The following IL36B variants were observed in gnomAD, a reference collection of about 807,000 sequenced individuals.
IL36B encodes interleukin-36 beta.
In IL36B, 23 loss-of-function variants were observed where a neutral mutation model predicts 19.3. The ratio of observed to expected loss-of-function variants is 1.19; its 90% CI spans 0.86 to 1.69. IL36B has a LOEUF of 1.69. Among genes scored for constraint, IL36B ranks in the 40% most tolerant of loss-of-function variants. IL36B has a pLI of 0.00. For synonymous variants in IL36B, 59 were observed against 59.7 expected, an observed-to-expected ratio of 0.99 and a Z score of 0.05; for missense variants, 217 against 200.5, an observed-to-expected ratio of 1.08 and a Z score of -0.50.
At chr2:113,044,858 C>T (rs1054979807) in intron 1 of IL36B, among the ~76,000 whole-genome samples, 1 of 152,134 alleles carries the variant, frequency 6.6e-6, no homozygotes, top group Non-Finnish European at 1.5e-5. Flanking sequence ...TGTTAACTTA[C>T]TAGTGATTAC....
At chr2:113,046,763 T>A (rs1237751924) in intron 1 of IL36B, among the ~76,000 whole-genome samples, 1 of 151,276 alleles carries the variant, frequency 6.6e-6, no homozygotes, top group African/African-American at 2.4e-5. Context: ...ATATCATATC[T>A]AAGGTACATA....
At chr2:113,030,895 C>T (rs1331271079) in intron 3 of IL36B, among the ~76,000 whole-genome samples, 153 bp downstream of exon 3, 1 of 152,196 alleles carries the variant, frequency 6.6e-6, no homozygotes, top group Non-Finnish European at 1.5e-5. Context: ...GGAAGGGAAT[C>T]ATAGTGTCCT....
At chr2:113,047,859 A>G (rs895997602) in intron 1 of IL36B, among the ~76,000 whole-genome samples, 1 of 152,200 alleles carries the variant, frequency 6.6e-6, no homozygotes, top group Non-Finnish European at 1.5e-5. Context: ...CAATATAAAT[A>G]TATAATGGTA....
intron 1 of IL36B, among the ~76,000 whole-genome samples, chr2:113,051,086 C>T (rs544037168): frequency 7.2e-5 from 11 of 152,288 alleles, no homozygotes; most frequent in East Asian, 3.9e-4. Flanking sequence ...CGTGGCCTCC[C>T]GACCTAGCCT....
chr2:113,035,357 T>A (rs759736892), intron 1 of IL36B, among the ~76,000 whole-genome samples: 8 of 152,142 alleles, frequency 5.3e-5, no homozygotes, highest in Non-Finnish European at 1.2e-4. Flanking sequence ...TACCAGAAAC[T>A]GTGGGAACCC....
rs761943604 is a variant in IL36B, at chr2:113,028,992, C to G, written c.208G>C (p.Asp70His). Residue 70 changes from aspartate (D) to histidine (H), a missense_variant, in exon 4 of 6, where the codon GAT (aspartate) becomes CAT (histidine). Asp to His is a moderately conservative substitution (Grantham distance 81). Transcript: ENST00000259213. ...ATTTCTGCACAGAAGAGACAGAGAT[C>G]TTTTCCCTTGATTCCCAGGTAAACC... 1.9e-6 allele frequency: 3 copies of G among 1,614,172 alleles called. No individual in the cohort carries two copies. Among genetic ancestry groups the G allele is most frequent in the South Asian group, 1.1e-5 (1 of 91,074 alleles).
chr2:113,038,999 G>A (rs1173172671), intron 1 of IL36B, among the ~76,000 whole-genome samples: 1 of 152,206 alleles, frequency 6.6e-6, no homozygotes, highest in East Asian at 1.9e-4. Context: ...TCTCACCAGA[G>A]TGAAGGCAAG....
rs761534030 is a variant in IL36B at position 113,026,198 on chromosome 2, G to C, written c.296C>G (p.Thr99Ser). Residue 99 changes from threonine to serine, a missense_variant, in exon 5 of 6, where the codon ACT becomes AGT. By Grantham distance (58) the Thr-to-Ser change is moderately conservative. Coordinates refer to ENST00000259213, the MANE Select transcript of IL36B (RefSeq NM_014438.5). ...GTGAATTCCAACTAGTTTCCAGCAA[G>C]TGTCCTTCCCTATGTTATCTTGGGA... 1.9e-6 allele frequency: 3 copies of C among 1,613,784 alleles called. No homozygotes were observed. In the African/African-American group the frequency reaches 4.0e-5, roughly 22 times the overall value.
chr2:113,032,133 C>CTGTGTGTGTGTG lies in IL36B; in HGVS notation c.-57-379_-57-368dup, dbSNP rs56385654. On this transcript the variant is annotated intron_variant, in intron 1 of 5. Coordinates refer to ENST00000259213, the MANE Select transcript of IL36B (RefSeq NM_014438.5). Reference sequence around the variant, plus strand: ...GGAGAGACAGAGTGCGTGTGTGTGTCTGTGTGTGTGTGTGTGTGTGTGTGT... The same window carrying CTGTGTGTGTGTG: ...GGAGAGACAGAGTGCGTGTGTGTGTCTGTGTGTGTGTGTGTGTGTGTGTGTGTGTGTGTGTGT... Among the ~76,000 whole-genome samples the CTGTGTGTGTGTG allele has an allele frequency of 1.0e-3, 150 of 144,014 alleles. 1 individual carries two copies. Among genetic ancestry groups the CTGTGTGTGTGTG allele is most frequent in the South Asian group, 6.9e-3 (30 of 4,366 alleles). The allele number at this position is 144,014 out of a possible 152,430, so 94.5% of individuals were successfully genotyped here. A position where few individuals can be genotyped will look rare whatever the true frequency, so the allele number is the denominator to read the frequency against.
chr2:113,030,576 T>C (rs1685052776), intron 3 of IL36B, among the ~76,000 whole-genome samples: 1 of 152,186 alleles, frequency 6.6e-6, no homozygotes. Flanking sequence ...GAATTAAACA[T>C]TGAAGTTCTG....
intron 1 of IL36B, among the ~76,000 whole-genome samples, chr2:113,039,595 A>G (rs565825700): frequency 2.0e-5 from 3 of 152,290 alleles, no homozygotes; most frequent in African/African-American, 7.2e-5. Flanking sequence ...AACAAACAAA[A>G]CCACCTTACT....
intron 1 of IL36B, among the ~76,000 whole-genome samples, chr2:113,033,925 C>T (rs1685123400): frequency 1.3e-5 from 2 of 152,212 alleles, no homozygotes; most frequent in South Asian, 2.1e-4. Context: ...CTCCCAATCA[C>T]TCTTTGTGGT....
chr2:113,030,372 T>TG (rs745578748), intron 3 of IL36B, among the ~76,000 whole-genome samples: 7 of 151,962 alleles, frequency 4.6e-5, no homozygotes, highest in African/African-American at 1.5e-4. Context: ...AATAGAAGGT[T>TG]GGGGGGGAGT....
At chr2:113,042,563 A>G (rs1185162232) in intron 1 of IL36B, among the ~76,000 whole-genome samples, 4 of 152,148 alleles carry the variant, frequency 2.6e-5, no homozygotes, top group African/African-American at 9.7e-5. Flanking sequence ...TTGTTTTGTA[A>G]TTTTATATAA....
chr2:113,036,339 T>C (rs1331363047), intron 1 of IL36B, among the ~76,000 whole-genome samples: 1 of 151,106 alleles, frequency 6.6e-6, no homozygotes, highest in Non-Finnish European at 1.5e-5. Context: ...ATTTTATTTA[T>C]CTGAAAACAC....
At chr2:113,031,855 C>A (rs1234377544) in intron 1 of IL36B, 89 bp from the exon 2 acceptor site, 5 of 671,734 alleles carry the variant, frequency 7.4e-6, no homozygotes, top group Admixed American at 2.3e-5. Flanking sequence ...TGTAAAAATT[C>A]TTTAGAGAGA....
rs750344480 is a variant in IL36B, at chr2:113,022,816, T to G, written c.392-39A>C. 5 of 1,353,050 alleles carry G rather than the reference T, an allele frequency of 3.7e-6. No homozygotes were observed. In the South Asian group the frequency reaches 5.9e-5, roughly 16 times the overall value. 83.8% of individuals were successfully genotyped at this position (1,353,050 alleles called of 1,614,324 possible). A position where few individuals can be genotyped will look rare whatever the true frequency, so the allele number is the denominator to read the frequency against. ...GAAGTATCTCCTAGGCTTAGCAAGA[T>G]GTGGACATTTGCTAAACCACCAATT... On this transcript the variant is annotated intron_variant, in intron 5 of 5. Transcript: ENST00000259213.
At chr2:113,049,060 G>C (rs1174569329) in intron 1 of IL36B, among the ~76,000 whole-genome samples, 1 of 152,218 alleles carries the variant, frequency 6.6e-6, no homozygotes, top group East Asian at 1.9e-4. Flanking sequence ...GGTGGGTGAT[G>C]ATGGTGATGG....
At chr2:113,036,168 AT>A (rs1196805689) in intron 1 of IL36B, among the ~76,000 whole-genome samples, 2 of 152,032 alleles carry the variant, frequency 1.3e-5, no homozygotes, top group African/African-American at 4.8e-5. Flanking sequence ...CTGGTCTTGA[AT>A]TCCTGACCTC....
Sources: gnomAD v4.1 joint callset for allele counts (sites outside exome capture counted in the v4.1 genomes callset) on GRCh38, gnomAD v4.1.1 for gene constraint, MANE v1.5 for transcripts, NCBI Gene and HGNC (gene_info 2026-07-23, HGNC 2026-07-21) for gene names.